BSN: variants seen among roughly 807,000 people sequenced by gnomAD.
BSN encodes bassoon presynaptic cytomatrix protein, also known as protein bassoon.
In BSN, 57 loss-of-function variants were observed where a neutral mutation model predicts 264.8. That is an observed-to-expected ratio of 0.22 (90% CI 0.17 to 0.27). The LOEUF is 0.27. Ranked by LOEUF, BSN falls within the 10% of genes least tolerant of loss-of-function variation. BSN has a pLI of 1.00. For missense variants in BSN, 4,615 were observed against 5,232.5 expected (o/e 0.88, Z 3.64); for synonymous variants, 2,059 against 2,137.3 (o/e 0.96, Z 1.01).
intron 2 of BSN, among the ~76,000 whole-genome samples, chr3:49,635,661 CT>C (rs2052415459): frequency 6.6e-6 from 1 of 152,118 alleles, no homozygotes; most frequent in African/African-American, 2.4e-5. Context: ...ATCCATCCAT[CT>C]TTTTGTTGAA....
intron 1 of BSN, among the ~76,000 whole-genome samples, chr3:49,623,319 C>G (rs1032726842): frequency 1.3e-5 from 2 of 152,236 alleles, no homozygotes; most frequent in Non-Finnish European, 2.9e-5. Context: ...TGCCAGCATT[C>G]ACCCCAATGA....
chr3:49,581,659 A>C (rs2051896231), intron 1 of BSN, among the ~76,000 whole-genome samples: 1 of 152,034 alleles, frequency 6.6e-6, no homozygotes, highest in African/African-American at 2.4e-5. Flanking sequence ...CCCTGTCTCT[A>C]CTAAAAATAC....
chr3:49,620,830 C>A (rs1034591896), intron 1 of BSN, among the ~76,000 whole-genome samples: 7 of 152,064 alleles, frequency 4.6e-5, no homozygotes, highest in Non-Finnish European at 8.8e-5. Flanking sequence ...ACTAAAAATA[C>A]AAAAAATTAG....
At chr3:49,590,316 A>G (rs1329637864) in intron 1 of BSN, among the ~76,000 whole-genome samples, 1 of 151,368 alleles carries the variant, frequency 6.6e-6, no homozygotes, top group African/African-American at 2.4e-5. Context: ...CTTTTGTTGG[A>G]TTCTTTAAAA....
chr3:49,614,349 G>A (rs1205586608), intron 1 of BSN, among the ~76,000 whole-genome samples: 1 of 152,120 alleles, frequency 6.6e-6, no homozygotes, highest in Non-Finnish European at 1.5e-5. Context: ...GTGAGCCACC[G>A]CGCCCGGCCG....
At position 49,654,647 on chromosome 3, in the gene BSN, T is replaced by C. The variant is rs761230490; in HGVS notation, c.5091T>C (p.Gly1697=). The part of the protein sequence containing the change: ...TSLAVEARKY[G]LALDPIPGRQ... Reference sequence around the variant, plus strand: ...TTGCTGTGGAAGCGAGGAAGTATGGTCTTGCCCTGGATCCAATCCCAGGAC... The same window carrying C: ...TTGCTGTGGAAGCGAGGAAGTATGGCCTTGCCCTGGATCCAATCCCAGGAC... The change falls in exon 5 of 12, where the codon GGT becomes GGC. Residue 1697 remains glycine, a synonymous_variant. Transcript: ENST00000296452. This position sits in a 1 kb window ranked among gnomAD's most constrained non-coding sequence, Gnocchi z 4.1. The C allele has an allele frequency of 4.3e-6, 7 of 1,613,776 alleles. No individual in the cohort carries two copies. Among genetic ancestry groups the C allele is most frequent in the Non-Finnish European group, 5.9e-6 (7 of 1,180,022 alleles).
At chr3:49,639,018 C>A (rs143857742) in intron 2 of BSN, among the ~76,000 whole-genome samples, 1 of 152,104 alleles carries the variant, frequency 6.6e-6, no homozygotes, top group African/African-American at 2.4e-5. Context: ...GGGTCCCTCT[C>A]TGGATGAGTA....
At chr3:49,628,482 A>G (rs2052359941) in intron 2 of BSN, among the ~76,000 whole-genome samples, 1 of 152,212 alleles carries the variant, frequency 6.6e-6, no homozygotes, top group South Asian at 2.1e-4. Context: ...AGTGTCTGAG[A>G]TCTGGAATCA....
At chr3:49,673,087 C>CTTTTTTGTTTTTTTTTTTTTTT (rs2052847860), downstream of BSN, among the ~76,000 whole-genome samples, 1 of 43,198 alleles carries the variant, frequency 2.3e-5, no homozygotes, top group Non-Finnish European at 4.3e-5. Context: ...CCGGCCGGGA[C>CTTTTTTGTTTTTTTTTTTTTTT]TTTTTTTTTT....
Position 49,638,574 on chromosome 3 carries a change from C to T in BSN, c.634-3694C>T, listed in dbSNP as rs1396284203. 6.6e-6 allele frequency among the ~76,000 whole-genome samples: 1 copy of T among 152,200 alleles called. No homozygotes were observed. The highest frequency in any genetic ancestry group is 1.5e-5 in the Non-Finnish European group (1 of 68,030). The stretch of plus-strand genomic sequence containing the variant: ...GGAGGGGCTGTGGGGAGGGTGCGGT[C>T]AAGGTTCCTTACCGTCTGGAAGAGG... On this transcript the variant is annotated intron_variant, in intron 2 of 11. Coordinates refer to ENST00000296452, the MANE Select transcript of BSN (RefSeq NM_003458.4). This position sits in a 1 kb window ranked among gnomAD's most constrained non-coding sequence, Gnocchi z 4.3.
intron 1 of BSN, among the ~76,000 whole-genome samples, chr3:49,606,219 T>A (rs6779507): frequency 4.1e-3 from 78 of 19,066 alleles, no homozygotes; most frequent in Non-Finnish European, 5.3e-3. Context: ...ATGTATATAT[T>A]ATATATACAT....
At position 49,653,036 on chromosome 3, in the gene BSN, C is replaced by A; in HGVS notation, c.3480C>A (p.Ser1160=). 1 of 1,613,608 alleles carries A rather than the reference C, an allele frequency of 6.2e-7. No homozygotes were observed. The highest frequency in any genetic ancestry group is 1.3e-5 in the African/African-American group (1 of 75,062). The change falls in exon 5 of 12, where the codon TCC becomes TCA. Residue 1160 remains serine (S), a synonymous_variant. Transcript: ENST00000296452. This position sits in a 1 kb window ranked among gnomAD's most constrained non-coding sequence, Gnocchi z 6.3. Reference sequence around the variant, plus strand: ...AGTACAACCTGCCCACCTTCATGTCCCTCTACTCACCAACCGAGACACCCT... The same window carrying A: ...AGTACAACCTGCCCACCTTCATGTCACTCTACTCACCAACCGAGACACCCT... ...GSEYNLPTFM[S]LYSPTETPSG...
chr3:49,648,965 G>A (rs2052519275), intron 3 of BSN, among the ~76,000 whole-genome samples: 1 of 152,224 alleles, frequency 6.6e-6, no homozygotes, highest in African/African-American at 2.4e-5. Flanking sequence ...TCGACCCTGA[G>A]TAACCAGCCT....
chr3:49,632,746 G>A (rs187031621), intron 2 of BSN, among the ~76,000 whole-genome samples: 1 of 152,218 alleles, frequency 6.6e-6, no homozygotes, highest in Admixed American at 6.5e-5. Flanking sequence ...GGAGGTTGCA[G>A]TGAATCAAGA....
At position 49,661,240 on chromosome 3, in the gene BSN, T is replaced by A; in HGVS notation, c.9395T>A (p.Phe3132Tyr). 1.9e-6 allele frequency: 3 copies of A among 1,613,712 alleles called. No homozygotes were observed. Among genetic ancestry groups the A allele is most frequent in the Non-Finnish European group, 1.7e-6 (2 of 1,180,044 alleles). ...ATGCCAACCACACAGAGCACCCTTT[T>A]TCCAGTCCCCGCTGATAGCCGTGCC... is the stretch of plus-strand genomic sequence containing the variant. ...TPMPTTQSTL[F>Y]PVPADSRAPL... The change falls in exon 6 of 12, where the codon TTT becomes TAT. Residue 3132 changes from phenylalanine to tyrosine, a missense_variant. This residue lies in a region of BSN where 3,415 missense variants were observed against 3,866.4 expected (regional missense o/e 0.88). Transcript: ENST00000296452.
chr3:49,645,577 C>T (rs2052498858), intron 3 of BSN, among the ~76,000 whole-genome samples: 1 of 152,210 alleles, frequency 6.6e-6, no homozygotes, highest in Non-Finnish European at 1.5e-5. Context: ...TGACCAAAAC[C>T]TCTGTGCAGC....
intron 1 of BSN, among the ~76,000 whole-genome samples, chr3:49,586,632 T>C (rs9869120): frequency 0.83 from 126,664 of 152,338 alleles, 52,987 homozygotes; most frequent in East Asian, 0.99. Context: ...TGAGACACCA[T>C]ACCCTACCCC....
intron 1 of BSN, among the ~76,000 whole-genome samples, chr3:49,584,095 C>A (rs1262148523): frequency 6.6e-6 from 1 of 151,854 alleles, no homozygotes; most frequent in Non-Finnish European, 1.5e-5. Context: ...CCGTGTTAGC[C>A]AGGAGGGTCT....
In BSN at chr3:49,670,460, A is replaced by C. The variant is rs558716295; in HGVS notation, c.*2975A>C. The C allele has an allele frequency of 2.0e-5, 3 of 152,344 alleles. No individual in the cohort carries two copies. Among genetic ancestry groups the C allele is most frequent in the Admixed American group, 2.0e-4 (3 of 15,308 alleles). 9.4% of individuals were successfully genotyped at this position (152,344 alleles called of 1,614,324 possible). On this transcript the variant is annotated 3_prime_UTR_variant, in exon 12 of 12. Transcript: ENST00000296452. The stretch of plus-strand genomic sequence containing the variant: ...TGACATCTGCCACTCCTCATCCCCC[A>C]CTGTACCCACAGGATACATCATCGC...
Sources: allele counts gnomAD v4.1 joint callset (sites outside exome capture counted in the v4.1 genomes callset), GRCh38; gene constraint gnomAD v4.1.1; regional missense constraint gnomAD v4.1.1; non-coding constraint Gnocchi (gnomAD v3.1); transcripts MANE v1.5; gene names NCBI Gene and HGNC (gene_info 2026-07-23, HGNC 2026-07-21).